KCNK1: variants seen among roughly 807,000 people sequenced by gnomAD.
The protein encoded by KCNK1 is potassium channel subfamily K member 1.
Under a neutral mutation model 22.2 loss-of-function variants are expected in KCNK1, and 10 were observed. The ratio of observed to expected loss-of-function variants is 0.45; its 90% confidence interval spans 0.28 to 0.76. The LOEUF is 0.76. Ranked by LOEUF, KCNK1 falls within the 30% of genes least tolerant of loss-of-function variation. KCNK1 has a pLI of 0.14. For missense variants in KCNK1, 378 were observed against 421.0 expected, an observed-to-expected ratio of 0.90 and a Z score of 0.89; for synonymous variants, 200 against 186.4, an observed-to-expected ratio of 1.07 and a Z score of -0.60.
In KCNK1 at chr1:233,633,818, A is replaced by G. The variant is rs572868541; in HGVS notation, c.355+19292A>G. ...AAGAAGAAAACATTAAGCCTCGTTA[A>G]TGGTAGGTGTTAGGGGAAAACCCTA... On this transcript the variant is annotated intron_variant, in intron 1 of 2. Transcript: ENST00000366621. Among the ~76,000 whole-genome samples the G allele has an allele frequency of 5.9e-5, 9 of 152,276 alleles. No individual in the cohort carries two copies. In the East Asian group the frequency reaches 1.7e-3, roughly 29 times the overall value.
chr1:233,659,201 C>A (rs1445703105), intron 1 of KCNK1, among the ~76,000 whole-genome samples: 1 of 150,104 alleles, frequency 6.7e-6, no homozygotes, highest in African/African-American at 2.5e-5. Context: ...TTTTTTTTTA[C>A]TTTTTAGATT....
intron 1 of KCNK1, among the ~76,000 whole-genome samples, chr1:233,639,649 G>A (rs976830574): frequency 1.3e-5 from 2 of 152,132 alleles, no homozygotes; most frequent in African/African-American, 4.8e-5. Context: ...ATATCATAAG[G>A]GAGAGAGTTG....
chr1:233,666,833 C>T lies in KCNK1; in HGVS notation c.594C>T (p.Ile198=), dbSNP rs765805803. The change falls in exon 2 of 3, where the codon ATC becomes ATT. Residue 198 remains isoleucine, a synonymous_variant. Transcript: ENST00000366621. ...GFVTVSCFFF[I]PAAVFSVLED... Reference sequence around the variant, plus strand: ...TCACTGTGTCCTGCTTCTTCTTCATCCCGGCCGCTGTCTTCTCAGTCCTGG... The same window carrying T: ...TCACTGTGTCCTGCTTCTTCTTCATTCCGGCCGCTGTCTTCTCAGTCCTGG... 3 of 1,614,224 alleles carry T rather than the reference C, an allele frequency of 1.9e-6. No homozygotes were observed. Among genetic ancestry groups the T allele is most frequent in the South Asian group, 2.2e-5 (2 of 91,084 alleles).
At position 233,666,528 on chromosome 1, in the gene KCNK1, T is replaced by C. The variant is rs1488598788; in HGVS notation, c.356-67T>C. ...AATAAGGGCAGATGATAGGCATATA[T>C]TGTTTAAAAACGTGTTTGCCACTTT... On this transcript the variant is annotated intron_variant, in intron 1 of 2. Transcript: ENST00000366621. 3.4e-6 allele frequency: 5 copies of C among 1,470,202 alleles called. No individual in the cohort carries two copies. In the African/African-American group the frequency reaches 5.6e-5, roughly 17 times the overall value. 91.1% of individuals were successfully genotyped at this position (1,470,202 alleles called of 1,614,324 possible).
At chr1:233,661,458 G>A (rs1658391460) in intron 1 of KCNK1, among the ~76,000 whole-genome samples, 1 of 152,196 alleles carries the variant, frequency 6.6e-6, no homozygotes, top group Non-Finnish European at 1.5e-5. Flanking sequence ...AACAATAAGT[G>A]TTTAGAAAAG....
chr1:233,659,857 A>G (rs1224285334), intron 1 of KCNK1, among the ~76,000 whole-genome samples: 1 of 152,198 alleles, frequency 6.6e-6, no homozygotes, highest in Non-Finnish European at 1.5e-5. Context: ...ACAAACAAAC[A>G]TGAGAAGTCC....
chr1:233,659,269 A>G (rs188924093), intron 1 of KCNK1, among the ~76,000 whole-genome samples: 1 of 151,536 alleles, frequency 6.6e-6, no homozygotes, highest in Non-Finnish European at 1.5e-5. Flanking sequence ...ACACAGGGTC[A>G]GGATCTTCCA....
At chr1:233,664,171 A>G (rs571009416) in intron 1 of KCNK1, among the ~76,000 whole-genome samples, 1 of 152,138 alleles carries the variant, frequency 6.6e-6, no homozygotes, top group South Asian at 2.1e-4. Context: ...TCCATTTTTC[A>G]GATTCTATTT....
rs752620569 is a variant in KCNK1 at position 233,671,561 on chromosome 1, C to T, written c.*31C>T. ...GGATTTGTTGCATTATGCTAGAGCA[C>T]CAGGGTCAGGGTGCAAGGAAGAGGC... On this transcript the variant is annotated 3_prime_UTR_variant, in exon 3 of 3. Transcript: ENST00000366621. The T allele has an allele frequency of 1.2e-6, 2 of 1,612,080 alleles. No homozygotes were observed. The highest frequency in any genetic ancestry group is 2.2e-5 in the East Asian group (1 of 44,868).
At chr1:233,615,247 C>A (rs1280430452) in intron 1 of KCNK1, among the ~76,000 whole-genome samples, 2 of 152,232 alleles carry the variant, frequency 1.3e-5, no homozygotes, top group Non-Finnish European at 2.9e-5. Context: ...TTAATTGGGG[C>A]ACCCTGATTC....
At chr1:233,615,733 A>AC (rs1336875059) in intron 1 of KCNK1, among the ~76,000 whole-genome samples, 2 of 126,952 alleles carry the variant, frequency 1.6e-5, no homozygotes, top group African/African-American at 6.0e-5. Flanking sequence ...CTTCCTCCCC[A>AC]CCCCCCTCCA....
chr1:233,668,997 T>A (rs1395240135), intron 2 of KCNK1, among the ~76,000 whole-genome samples: 1 of 152,222 alleles, frequency 6.6e-6, no homozygotes, highest in Non-Finnish European at 1.5e-5. Context: ...TTTTTGTGAC[T>A]CATAGAACAT....
At position 233,671,715 on chromosome 1, in the gene KCNK1, A is replaced by G; in HGVS notation, c.*185A>G. 1.5e-6 allele frequency: 1 copy of G among 675,174 alleles called. No individual in the cohort carries two copies. Among genetic ancestry groups the G allele is most frequent in the Admixed American group, 3.0e-5 (1 of 33,394 alleles). 41.8% of individuals were successfully genotyped at this position (675,174 alleles called of 1,614,324 possible). ...AATGGAACAAAGAAGCTGTGACCCC[A>G]GCAGGATGTCTAATATGTGAGGAAA... On this transcript the variant is annotated 3_prime_UTR_variant, in exon 3 of 3. Coordinates refer to ENST00000366621, the MANE Select transcript of KCNK1 (RefSeq NM_002245.4).
chr1:233,671,312 G>A lies in KCNK1; in HGVS notation c.793G>A (p.Glu265Lys). Residue 265 changes from glutamate (E) to lysine (K), a missense_variant, in exon 3 of 3, where the codon GAA (glutamate) becomes AAA (lysine). By Grantham distance (56) the Glu-to-Lys change is moderately conservative. Transcript: ENST00000366621. ...LGLIAMLVVL[E>K]TFCELHELKK... ...CCTTATTGCCATGTTGGTAGTTCTGGAAACCTTCTGTGAACTCCATGAGCT... is the reference window on the plus strand; with the variant it reads ...CCTTATTGCCATGTTGGTAGTTCTGAAAACCTTCTGTGAACTCCATGAGCT... 1 of 1,614,038 alleles carries A rather than the reference G, an allele frequency of 6.2e-7. No homozygotes were observed. The highest frequency in any genetic ancestry group is 2.2e-5 in the East Asian group (1 of 44,902).
intron 1 of KCNK1, among the ~76,000 whole-genome samples, chr1:233,658,786 A>C: frequency 6.6e-6 from 1 of 152,234 alleles, no homozygotes; most frequent in East Asian, 1.9e-4. Flanking sequence ...GAAATGATAC[A>C]GTAAAAATAC....
chr1:233,667,807 T>G (rs1422385835), intron 2 of KCNK1, among the ~76,000 whole-genome samples: 1 of 151,110 alleles, frequency 6.6e-6, no homozygotes, highest in East Asian at 1.9e-4. Flanking sequence ...AAAAGATTGC[T>G]CTACTTTATT....
At chr1:233,669,053 C>T (rs566064013) in intron 2 of KCNK1, among the ~76,000 whole-genome samples, 1 of 152,264 alleles carries the variant, frequency 6.6e-6, no homozygotes, top group South Asian at 2.1e-4. Flanking sequence ...GACACGTCAC[C>T]AGCATTATCT....
chr1:233,619,184 A>T (rs936578804), intron 1 of KCNK1, among the ~76,000 whole-genome samples: 11 of 150,618 alleles, frequency 7.3e-5, no homozygotes, highest in African/African-American at 2.7e-4. Context: ...CACCTGGCCA[A>T]TTTTTTTTTC....
At chr1:233,653,617 T>G (rs1329260359) in intron 1 of KCNK1, among the ~76,000 whole-genome samples, 1 of 152,146 alleles carries the variant, frequency 6.6e-6, no homozygotes, top group East Asian at 1.9e-4. Context: ...AAAGGGCTAT[T>G]TGTCTTTTGT....
Sources: gnomAD v4.1 joint callset for allele counts (sites outside exome capture counted in the v4.1 genomes callset) on GRCh38, gnomAD v4.1.1 for gene constraint, MANE v1.5 for transcripts, NCBI Gene and HGNC (gene_info 2026-07-23, HGNC 2026-07-21) for gene names.